Variants in DLGAP2 observed in about 807,000 individuals in gnomAD.
DLGAP2 encodes disks large-associated protein 2.
Under a neutral mutation model 100.3 loss-of-function variants are expected in DLGAP2, and 26 were observed. The ratio of observed to expected loss-of-function variants is 0.26; its 90% CI spans 0.19 to 0.36. The LOEUF (loss-of-function observed/expected upper bound fraction) is 0.36, where lower values mean the gene tolerates loss of function less well. DLGAP2 is among the 10% of genes least tolerant of loss of function. The pLI is 1.00. For synonymous variants in DLGAP2, 886 were observed against 630.1 expected, an observed-to-expected ratio of 1.41 and a Z score of -6.08; for missense variants, 1,858 against 1,453.2, an observed-to-expected ratio of 1.28 and a Z score of -4.53.
At chr8:1,290,958 C>T (rs751243349) in intron 3 of DLGAP2, among the ~76,000 whole-genome samples, 2 of 152,140 alleles carry the variant, frequency 1.3e-5, no homozygotes, top group Non-Finnish European at 2.9e-5. Flanking sequence ...CAACCACCTC[C>T]CCCATCCAGC....
intron 3 of DLGAP2, among the ~76,000 whole-genome samples, chr8:1,324,999 C>A (rs766285391): frequency 6.6e-6 from 1 of 152,192 alleles, no homozygotes; most frequent in Non-Finnish European, 1.5e-5. Flanking sequence ...CGAAACCACC[C>A]CTGTACTTCC....
intron 2 of DLGAP2, among the ~76,000 whole-genome samples, chr8:1,034,426 C>T (rs1247659982): frequency 5.3e-5 from 1 of 18,716 alleles, no homozygotes; most frequent in African/African-American, 4.1e-4. Context: ...CGCGTGTCAC[C>T]GCGAGTGGAT....
chr8:922,466 C>T (rs905968306), intron 2 of DLGAP2, among the ~76,000 whole-genome samples: 6 of 152,160 alleles, frequency 3.9e-5, no homozygotes, highest in African/African-American at 1.2e-4. Context: ...AAAGAAGACT[C>T]TGCACTAAAG....
chr8:1,520,207 C>G (rs1260487772), intron 4 of DLGAP2, among the ~76,000 whole-genome samples: 1 of 152,176 alleles, frequency 6.6e-6, no homozygotes, highest in Non-Finnish European at 1.5e-5. Context: ...TCCACAATGG[C>G]TGAGGAGAAG....
At chr8:1,269,772 G>C (rs901993665) in intron 3 of DLGAP2, among the ~76,000 whole-genome samples, 6 of 152,102 alleles carry the variant, frequency 3.9e-5, no homozygotes, top group African/African-American at 1.2e-4. Context: ...AGCAAAAAAG[G>C]CTGGCGAGGA....
At chr8:765,416 T>C (rs1821185408) in intron 1 of DLGAP2, among the ~76,000 whole-genome samples, 2 of 152,186 alleles carry the variant, frequency 1.3e-5, no homozygotes, top group South Asian at 2.1e-4. Flanking sequence ...GTCAGGAGTC[T>C]AACAGTGTTA....
chr8:1,081,028 A>G (rs1402504917), intron 2 of DLGAP2, among the ~76,000 whole-genome samples: 2 of 152,242 alleles, frequency 1.3e-5, no homozygotes, highest in African/African-American at 4.8e-5. Context: ...TGTTTGGTAT[A>G]TTAAATTTAA....
intron 2 of DLGAP2, chr8:1,032,906 C>CA (rs1802014721): frequency 5.3e-5 from 8 of 152,230 alleles, no homozygotes. Flanking sequence ...ATGTGTATGA[C>CA]AATTAAACTA....
At chr8:858,721 C>T (rs35185084) in intron 1 of DLGAP2, among the ~76,000 whole-genome samples, 1 of 146,566 alleles carries the variant, frequency 6.8e-6, no homozygotes, top group Non-Finnish European at 1.5e-5. Flanking sequence ...GTGTGATGCT[C>T]TCACCGTGGG....
chr8:1,672,439 G>A (rs1798714981), intron 10 of DLGAP2, among the ~76,000 whole-genome samples: 1 of 152,084 alleles, frequency 6.6e-6, no homozygotes, highest in Admixed American at 6.5e-5. Context: ...TGTTAGCCAG[G>A]CTGCTCTCAA....
At position 1,632,911 on chromosome 8, in the gene DLGAP2, C is replaced by T; in HGVS notation, c.1675C>T (p.Leu559Phe). Reference protein sequence around the residue: ...SEVESQAMDALDLPGCFRTRS... With the variant: ...SEVESQAMDAFDLPGCFRTRS... ...AGTTGAATCTCAGGCCATGGATGCC[C>T]TCGACCTCCCGGGATGTTTCCGAAC... Residue 559 changes from leucine to phenylalanine, a missense_variant, in exon 8 of 15, where the codon CTC becomes TTC. Physicochemically the swap from Leu to Phe is conservative, Grantham distance 22 (BLOSUM62 0). Transcript: ENST00000637795. 6.2e-7 allele frequency: 1 copy of T among 1,613,886 alleles called. No individual in the cohort carries two copies. The highest frequency in any genetic ancestry group is 2.2e-5 in the East Asian group (1 of 44,898).
At chr8:1,002,871 G>C (rs992278196) in intron 2 of DLGAP2, 3 of 152,302 alleles carry the variant, frequency 2.0e-5, no homozygotes, top group African/African-American at 7.2e-5. Flanking sequence ...CATGGCGCTA[G>C]TGGGGCCCAG....
intron 2 of DLGAP2, among the ~76,000 whole-genome samples, chr8:1,143,201 T>A (rs78191836): frequency 1.3e-5 from 2 of 152,220 alleles, no homozygotes; most frequent in South Asian, 4.2e-4. Flanking sequence ...AGTTACTATA[T>A]GACAAGGGTA....
At chr8:780,077 C>G (rs1280232552) in intron 1 of DLGAP2, among the ~76,000 whole-genome samples, 1 of 152,158 alleles carries the variant, frequency 6.6e-6, no homozygotes, top group Non-Finnish European at 1.5e-5. Context: ...GTTTGCCATG[C>G]AATGCAGTGA....
chr8:1,563,949 C>G (rs567055450), intron 5 of DLGAP2, among the ~76,000 whole-genome samples: 151 of 152,248 alleles, frequency 9.9e-4, no homozygotes, highest in Non-Finnish European at 1.1e-3. Context: ...AAAAAAATAC[C>G]CTGTCTGAAG....
In DLGAP2 at chr8:737,736, G is replaced by C. The variant is rs1157238033; in HGVS notation, c.-72G>C. 3 of 375,200 alleles carry C rather than the reference G, an allele frequency of 8.0e-6. No individual in the cohort carries two copies. The highest frequency in any genetic ancestry group is 3.8e-5 in the East Asian group (1 of 26,312). 23.2% of individuals were successfully genotyped at this position (375,200 alleles called of 1,614,324 possible). The stretch of plus-strand genomic sequence containing the variant: ...GTACTGACCCCAACCCGCGAGCCCC[G>C]GGAGCCGTCGGTCTGAGGAGGGGCC... On this transcript the variant is annotated 5_prime_UTR_variant, in exon 1 of 15. Coordinates refer to ENST00000637795, the MANE Select transcript of DLGAP2 (RefSeq NM_001346810.2).
At chr8:1,111,921 C>T (rs986135834) in intron 2 of DLGAP2, among the ~76,000 whole-genome samples, 2 of 152,074 alleles carry the variant, frequency 1.3e-5, no homozygotes, top group Non-Finnish European at 2.9e-5. Flanking sequence ...GATATATACC[C>T]GCTAATAGAA....
At chr8:975,923 G>A (rs1002922608) in intron 2 of DLGAP2, among the ~76,000 whole-genome samples, 1 of 121,424 alleles carries the variant, frequency 8.2e-6, no homozygotes, top group Non-Finnish European at 1.9e-5. Flanking sequence ...CTATTTCACA[G>A]ATGACGTTGT....
At chr8:1,269,427 C>T (rs544277781) in intron 3 of DLGAP2, among the ~76,000 whole-genome samples, 16 of 152,302 alleles carry the variant, frequency 1.1e-4, no homozygotes, top group African/African-American at 2.9e-4. Flanking sequence ...GAGCCATCCA[C>T]CTTCCTGTAA....
Sources: gnomAD v4.1 joint callset for allele counts (sites outside exome capture counted in the v4.1 genomes callset) on GRCh38, gnomAD v4.1.1 for gene constraint, MANE v1.5 for transcripts, NCBI Gene and HGNC (gene_info 2026-07-23, HGNC 2026-07-21) for gene names.